The following ATP8B4 variants were observed in gnomAD, a reference collection of about 807,000 sequenced individuals.
ATP8B4 encodes probable phospholipid-transporting ATPase IM.
A neutral mutation model predicts 145.6 loss-of-function variants in ATP8B4; 133 were observed. The observed-to-expected ratio is 0.91, with a 90% CI of 0.79 to 1.05. The LOEUF is 1.05. Among genes scored for constraint, ATP8B4 ranks in the 50% least tolerant of loss-of-function variants. The pLI, the probability that ATP8B4 is intolerant of heterozygous loss-of-function variation, is 0.00. For synonymous variants in ATP8B4, 507 were observed against 492.9 expected, an observed-to-expected ratio of 1.03 and a Z score of -0.38; for missense variants, 1,458 against 1,425.2, an observed-to-expected ratio of 1.02 and a Z score of -0.37.
chr15:49,981,009 C>G (rs565610095), intron 11 of ATP8B4, among the ~76,000 whole-genome samples, 197 bp downstream of exon 11: 1 of 152,352 alleles, frequency 6.6e-6, no homozygotes, highest in South Asian at 2.1e-4. Context: ...ACCTACCTCT[C>G]ATGATAAATT....
At chr15:50,054,418 G>A (rs950098516) in intron 3 of ATP8B4, among the ~76,000 whole-genome samples, 1 of 152,192 alleles carries the variant, frequency 6.6e-6, no homozygotes, top group African/African-American at 2.4e-5. Flanking sequence ...TATCACTAAT[G>A]GCTATTGCAA....
chr15:50,061,740 A>T (rs2053042483), intron 3 of ATP8B4, among the ~76,000 whole-genome samples: 1 of 152,182 alleles, frequency 6.6e-6, no homozygotes, highest in Admixed American at 6.5e-5. Context: ...CCAGACAGGG[A>T]TTCAAAGTAT....
chr15:50,130,322 C>A (rs2057337288), intron 1 of ATP8B4, among the ~76,000 whole-genome samples: 1 of 152,130 alleles, frequency 6.6e-6, no homozygotes, highest in Non-Finnish European at 1.5e-5. Context: ...GTCTCTAATA[C>A]CTGAGGGTAG....
intron 20 of ATP8B4, among the ~76,000 whole-genome samples, chr15:49,915,585 AAT>A (rs781293460): frequency 2.6e-5 from 4 of 152,158 alleles, no homozygotes; most frequent in African/African-American, 4.8e-5. Flanking sequence ...AATATGTATA[AAT>A]ATTGTATATC....
intron 1 of ATP8B4, among the ~76,000 whole-genome samples, chr15:50,181,187 A>G (rs2044842108): frequency 1.3e-5 from 2 of 152,216 alleles, no homozygotes; most frequent in African/African-American, 4.8e-5. Flanking sequence ...AATAAGCATT[A>G]TCTGTATTTA....
chr15:50,157,294 C>T (rs1188583225), intron 1 of ATP8B4, among the ~76,000 whole-genome samples: 2 of 152,042 alleles, frequency 1.3e-5, no homozygotes, highest in African/African-American at 4.8e-5. Context: ...AAGTCAAAAG[C>T]TTCTATCAAA....
At chr15:50,038,571 A>C (rs1225011907) in intron 6 of ATP8B4, among the ~76,000 whole-genome samples, 197 bp downstream of exon 6, 2 of 152,204 alleles carry the variant, frequency 1.3e-5, no homozygotes, top group African/African-American at 4.8e-5. Context: ...TCTGAAGTCA[A>C]AGTTGAGTGA....
At chr15:49,875,628 C>T (rs1258899197) in intron 25 of ATP8B4, among the ~76,000 whole-genome samples, 1 of 152,176 alleles carries the variant, frequency 6.6e-6, no homozygotes, top group African/African-American at 2.4e-5. Context: ...AGCCCAGGAG[C>T]TCTAGACAAG....
chr15:49,871,525 G>C (rs2033660869), intron 25 of ATP8B4, among the ~76,000 whole-genome samples: 1 of 152,176 alleles, frequency 6.6e-6, no homozygotes, highest in Non-Finnish European at 1.5e-5. Flanking sequence ...TATCACTCAT[G>C]GTGGTGATGA....
intron 3 of ATP8B4, among the ~76,000 whole-genome samples, chr15:50,053,321 G>A (rs1041577224): frequency 1.3e-5 from 2 of 152,184 alleles, no homozygotes; most frequent in African/African-American, 4.8e-5. Flanking sequence ...TTTGGATCTA[G>A]CAATAGACAT....
intron 2 of ATP8B4, among the ~76,000 whole-genome samples, chr15:50,096,406 T>C (rs2055989702): frequency 6.6e-6 from 1 of 152,200 alleles, no homozygotes; most frequent in Admixed American, 6.5e-5. Flanking sequence ...CAGACTGCTC[T>C]ATGTGAATAA....
At chr15:49,979,962 T>A in intron 11 of ATP8B4, 149 bp from the exon 12 acceptor site, 1 of 521,544 alleles carries the variant, frequency 1.9e-6, no homozygotes, top group Non-Finnish European at 3.3e-6. Flanking sequence ...ATGAATTACG[T>A]CAGGAACTCA....
At position 50,114,103 on chromosome 15, in the gene ATP8B4, C is replaced by CTTTTTTTTTTTTTTTTTTTT. The variant is rs755159123; in HGVS notation, c.-43+5000_-43+5019dup. ...ATTTTCCTTCTTGGTCTCCTAGTTT[C>CTTTTTTTTTTTTTTTTTTTT]TTTTTTTTTTTTTTTTTTTTTTTTT... On this transcript the variant is annotated intron_variant, in intron 1 of 27. Coordinates refer to ENST00000284509, the MANE Select transcript of ATP8B4 (RefSeq NM_024837.4). Among the ~76,000 whole-genome samples, 46 of 55,650 alleles carry CTTTTTTTTTTTTTTTTTTTT rather than the reference C, an allele frequency of 8.3e-4. 5 individuals carry two copies. Among genetic ancestry groups the CTTTTTTTTTTTTTTTTTTTT allele is most frequent in the South Asian group, 4.0e-3 (4 of 996 alleles). 36.5% of individuals were successfully genotyped at this position (55,650 alleles called of 152,430 possible).
At chr15:50,139,945 T>C (rs1437415462) in intron 1 of ATP8B4, among the ~76,000 whole-genome samples, 1 of 152,154 alleles carries the variant, frequency 6.6e-6, no homozygotes, top group Non-Finnish European at 1.5e-5. Flanking sequence ...TTCTCACTTA[T>C]AATAAATGGG....
chr15:50,051,798 C>T (rs1243146768), intron 3 of ATP8B4, among the ~76,000 whole-genome samples: 3 of 152,138 alleles, frequency 2.0e-5, no homozygotes, highest in Non-Finnish European at 2.9e-5. Flanking sequence ...GTCAAAACCA[C>T]GGCAGGAATT....
At chr15:50,038,513 A>G (rs1309084493) in intron 6 of ATP8B4, among the ~76,000 whole-genome samples, 1 of 152,238 alleles carries the variant, frequency 6.6e-6, no homozygotes, top group Non-Finnish European at 1.5e-5. Context: ...CTAGAAATGG[A>G]AAGTGACAAA....
intron 23 of ATP8B4, among the ~76,000 whole-genome samples, chr15:49,892,155 T>C (rs145360486): frequency 9.5e-4 from 143 of 150,170 alleles, no homozygotes; most frequent in African/African-American, 3.4e-3. Flanking sequence ...AGACTCAGAA[T>C]AGTTAAATAA....
At position 49,913,221 on chromosome 15, in the gene ATP8B4, G is replaced by A. The variant is rs532474562; in HGVS notation, c.2141+3713C>T. On this transcript the variant is annotated intron_variant, in intron 20 of 27. Coordinates refer to ENST00000284509, the MANE Select transcript of ATP8B4 (RefSeq NM_024837.4). ...AATTTATCCCAGGAATGCAAGCATGGTTCAACATACGTAATAAATATGATA... is the reference window on the plus strand; with the variant it reads ...AATTTATCCCAGGAATGCAAGCATGATTCAACATACGTAATAAATATGATA... 1.6e-4 allele frequency among the ~76,000 whole-genome samples: 24 copies of A among 151,902 alleles called. No individual in the cohort carries two copies. The South Asian group carries it at 5.0e-3, about 32-fold the overall frequency.
At chr15:49,989,602 T>C (rs1326944517) in intron 9 of ATP8B4, among the ~76,000 whole-genome samples, 2 of 152,054 alleles carry the variant, frequency 1.3e-5, no homozygotes, top group Non-Finnish European at 2.9e-5. Context: ...AGGGTGTGGT[T>C]CTAGACAGGA....
Sources: allele counts gnomAD v4.1 joint callset (sites outside exome capture counted in the v4.1 genomes callset), GRCh38; gene constraint gnomAD v4.1.1; transcripts MANE v1.5; gene names NCBI Gene and HGNC (gene_info 2026-07-23, HGNC 2026-07-21).